Variants in GPR158 observed in about 807,000 individuals in gnomAD.
The protein encoded by GPR158 is metabotropic glycine receptor.
In GPR158, 30 loss-of-function variants were observed where a neutral mutation model predicts 78.2. That is an observed-to-expected ratio of 0.38 (90% CI 0.29 to 0.52). The LOEUF is 0.52. GPR158 is among the 20% of genes least tolerant of loss of function. The probability of loss-of-function intolerance (pLI) is 0.83; values close to 1 mark genes in which losing one functional copy is unlikely to be tolerated. For missense variants in GPR158, 1,463 were observed against 1,523.5 expected, an observed-to-expected ratio of 0.96 and a Z score of 0.66; for synonymous variants, 581 against 591.1, an observed-to-expected ratio of 0.98 and a Z score of 0.25.
chr10:25,299,777 G>C (rs1588784088), intron 2 of GPR158, among the ~76,000 whole-genome samples: 1 of 152,090 alleles, frequency 6.6e-6, no homozygotes, highest in South Asian at 2.1e-4. Context: ...TGCATGAAAA[G>C]TTTAACTTAC....
At chr10:25,365,441 T>C (rs918803562) in intron 2 of GPR158, among the ~76,000 whole-genome samples, 1 of 151,688 alleles carries the variant, frequency 6.6e-6, no homozygotes, top group Non-Finnish European at 1.5e-5. Flanking sequence ...CCCTGCAAAA[T>C]TTCACTGGGG....
chr10:25,376,794 C>T (rs1834087313), intron 2 of GPR158, among the ~76,000 whole-genome samples: 1 of 151,618 alleles, frequency 6.6e-6, no homozygotes, highest in African/African-American at 2.4e-5. Flanking sequence ...TATTTTCTTT[C>T]TGCACTTTCA....
At chr10:25,338,564 G>GTATATTATATATAATACATATTATA (rs1554795032) in intron 2 of GPR158, among the ~76,000 whole-genome samples, 22 of 130,534 alleles carry the variant, frequency 1.7e-4, no homozygotes, top group South Asian at 7.2e-4. Context: ...AATACGTATT[G>GTATATTATATATAATACATATTATA]TATATTATTA....
In GPR158 at chr10:25,507,467, A is replaced by G. The variant is rs142835953; in HGVS notation, c.1404+40748A>G. ...TAGGTGATTGGGAGCCCAAATGTATATGCAACAAAGCAGTAATTTTCATGT... is the reference window on the plus strand; with the variant it reads ...TAGGTGATTGGGAGCCCAAATGTATGTGCAACAAAGCAGTAATTTTCATGT... On this transcript the variant is annotated intron_variant, in intron 5 of 10. Transcript: ENST00000376351. Among the ~76,000 whole-genome samples, 375 of 152,342 alleles carry G rather than the reference A, an allele frequency of 2.5e-3. 4 individuals carry two copies. Among genetic ancestry groups the G allele is most frequent in the African/African-American group, 8.7e-3 (360 of 41,578 alleles).
intron 2 of GPR158, among the ~76,000 whole-genome samples, chr10:25,347,861 A>G (rs1258406494): frequency 6.6e-6 from 1 of 151,824 alleles, no homozygotes; most frequent in East Asian, 1.9e-4. Context: ...GATCACAGCC[A>G]TACAATCTGT....
Position 25,175,849 on chromosome 10 carries a change from T to C in GPR158, c.429T>C (p.Asn143=). ...TCCTCAACGTGATGCTGCAGAGCAATAAGTCGCGGGAGCAGAACTTGCAGG... is the reference window on the plus strand; with the variant it reads ...TCCTCAACGTGATGCTGCAGAGCAACAAGTCGCGGGAGCAGAACTTGCAGG... ...TNFLNVMLQS[N]KSREQNLQDD... The change falls in exon 1 of 11, where the codon AAT becomes AAC. Residue 143 remains asparagine (N), a synonymous_variant. Transcript: ENST00000376351. This position sits in a 1 kb window ranked among gnomAD's most constrained non-coding sequence, Gnocchi z 6.4. The C allele has an allele frequency of 6.2e-7, 1 of 1,613,746 alleles. No homozygotes were observed. Among genetic ancestry groups the C allele is most frequent in the Non-Finnish European group, 8.5e-7 (1 of 1,179,990 alleles).
At chr10:25,339,229 C>G (rs1000876609) in intron 2 of GPR158, among the ~76,000 whole-genome samples, 7 of 151,916 alleles carry the variant, frequency 4.6e-5, no homozygotes, top group African/African-American at 1.7e-4. Context: ...TCAAGCAATC[C>G]TCCCACCTTG....
intron 4 of GPR158, among the ~76,000 whole-genome samples, chr10:25,420,484 T>C (rs1834735203): frequency 6.6e-6 from 1 of 152,176 alleles, no homozygotes. Context: ...GAAGTGTATC[T>C]ATTTTTTCTT....
At chr10:25,361,158 G>T (rs1855633512) in intron 2 of GPR158, among the ~76,000 whole-genome samples, 1 of 151,482 alleles carries the variant, frequency 6.6e-6, no homozygotes, top group Non-Finnish European at 1.5e-5. Context: ...TCTACTTTAG[G>T]TACCACAAAT....
At chr10:25,177,008 C>G (rs1033872510) in intron 1 of GPR158, among the ~76,000 whole-genome samples, 5 of 152,146 alleles carry the variant, frequency 3.3e-5, no homozygotes, top group Non-Finnish European at 7.3e-5. Flanking sequence ...CCTCGGTGGC[C>G]TTTTCCTCCT....
At chr10:25,421,662 A>G (rs1834753705) in intron 4 of GPR158, among the ~76,000 whole-genome samples, 1 of 152,186 alleles carries the variant, frequency 6.6e-6, no homozygotes, top group Non-Finnish European at 1.5e-5. Context: ...ATCTTATTCT[A>G]TTGAACTAAT....
At chr10:25,333,949 A>T (rs1855162508) in intron 2 of GPR158, among the ~76,000 whole-genome samples, 1 of 152,112 alleles carries the variant, frequency 6.6e-6, no homozygotes, top group Non-Finnish European at 1.5e-5. Flanking sequence ...TGTACTCTTG[A>T]CAGTGTTCCT....
chr10:25,414,536 A>C (rs1834634172), intron 4 of GPR158, among the ~76,000 whole-genome samples: 1 of 152,172 alleles, frequency 6.6e-6, no homozygotes, highest in South Asian at 2.1e-4. Context: ...TTGTATGCTA[A>C]TGAAAAGAAA....
At chr10:25,508,868 G>A (rs1439444643) in intron 5 of GPR158, among the ~76,000 whole-genome samples, 1 of 152,108 alleles carries the variant, frequency 6.6e-6, no homozygotes, top group African/African-American at 2.4e-5. Flanking sequence ...CTTTATTTTA[G>A]CCACAGGGAG....
At chr10:25,183,034 G>A (rs778533808) in intron 1 of GPR158, among the ~76,000 whole-genome samples, 8 of 152,186 alleles carry the variant, frequency 5.3e-5, no homozygotes, top group African/African-American at 1.9e-4. Flanking sequence ...AATGTCATAC[G>A]CATCAGTGGG....
intron 2 of GPR158, among the ~76,000 whole-genome samples, chr10:25,254,421 G>T (rs1741974583): frequency 6.6e-6 from 1 of 152,094 alleles, no homozygotes; most frequent in African/African-American, 2.4e-5. Context: ...AACTGCTTTA[G>T]TTTAAATATT....
intron 2 of GPR158, among the ~76,000 whole-genome samples, chr10:25,299,936 C>T (rs903560664): frequency 1.4e-4 from 21 of 152,108 alleles, no homozygotes; most frequent in Non-Finnish European, 2.5e-4. Context: ...AAGTGATTCT[C>T]ATGCTTCAGC....
At position 25,176,610 on chromosome 10, in the gene GPR158, C is replaced by T. The variant is rs1463415831; in HGVS notation, c.902+288C>T. On this transcript the variant is annotated intron_variant, in intron 1 of 10. Transcript: ENST00000376351. The surrounding 1 kb of genome is among the most constrained non-coding windows in gnomAD (Gnocchi z 6.3). Reference sequence around the variant, plus strand: ...CAGCCCTTGGCAGGACGGAGACACCCCCGCTGCTCTGTGCTTCCCTCCAAT... The same window carrying T: ...CAGCCCTTGGCAGGACGGAGACACCTCCGCTGCTCTGTGCTTCCCTCCAAT... 2.0e-5 allele frequency among the ~76,000 whole-genome samples: 3 copies of T among 152,222 alleles called. No individual in the cohort carries two copies. In the East Asian group the frequency reaches 5.8e-4, roughly 29 times the overall value.
At chr10:25,255,850 G>T (rs550877782) in intron 2 of GPR158, among the ~76,000 whole-genome samples, 1 of 152,126 alleles carries the variant, frequency 6.6e-6, no homozygotes, top group Non-Finnish European at 1.5e-5. Context: ...CATCTTTGTC[G>T]GGTAATATCA....
Sources: gnomAD v4.1 joint callset for allele counts (sites outside exome capture counted in the v4.1 genomes callset) on GRCh38, gnomAD v4.1.1 for gene constraint, Gnocchi (gnomAD v3.1) non-coding constraint, MANE v1.5 for transcripts, NCBI Gene and HGNC (gene_info 2026-07-23, HGNC 2026-07-21) for gene names.